DLGAP2: variants seen among roughly 807,000 people sequenced by gnomAD.
DLGAP2 encodes DLG associated protein 2.
A neutral mutation model predicts 100.3 loss-of-function variants in DLGAP2; 26 were observed. The ratio of observed to expected loss-of-function variants is 0.26; its 90% confidence interval spans 0.19 to 0.36. The LOEUF is 0.36. Ranked by LOEUF, DLGAP2 falls within the 10% of genes least tolerant of loss-of-function variation. The pLI, the probability that DLGAP2 is intolerant of heterozygous loss-of-function variation, is 1.00. For synonymous variants in DLGAP2, 886 were observed against 630.1 expected (o/e 1.41, Z -6.08); for missense variants, 1,858 against 1,453.2 (o/e 1.28, Z -4.53).
chr8:1,320,001 A>T (rs959832190), intron 3 of DLGAP2, among the ~76,000 whole-genome samples: 45 of 152,114 alleles, frequency 3.0e-4, no homozygotes, highest in African/African-American at 9.7e-4. Context: ...AGGGCAGGAG[A>T]CAAAGGTAAG....
At chr8:1,004,447 A>C (rs189901454) in intron 2 of DLGAP2, among the ~76,000 whole-genome samples, 30 of 152,334 alleles carry the variant, frequency 2.0e-4, no homozygotes, top group African/African-American at 7.2e-4. Flanking sequence ...TTTCAAATAC[A>C]CGTCCAGATT....
intron 3 of DLGAP2, among the ~76,000 whole-genome samples, chr8:1,288,778 G>C (rs1262088630): frequency 6.6e-6 from 1 of 151,720 alleles, no homozygotes; most frequent in East Asian, 1.9e-4. Context: ...GGTTCAGTGT[G>C]TGTGTGTGTG....
chr8:1,222,639 G>A lies in DLGAP2; in HGVS notation c.74-36212G>A, dbSNP rs75705452. On this transcript the variant is annotated intron_variant, in intron 2 of 14. Coordinates refer to ENST00000637795, the MANE Select transcript of DLGAP2 (RefSeq NM_001346810.2). The stretch of plus-strand genomic sequence containing the variant: ...GGGAAGGCTGCAGGTGGGTGTACAC[G>A]GTGGGGGGAGGCTGCTGGTGGGTGC... Among the ~76,000 whole-genome samples, 688 of 151,990 alleles carry A rather than the reference G, an allele frequency of 4.5e-3. 20 individuals are homozygous for A. The East Asian group carries it at 0.072, about 16-fold the overall frequency.
intron 10 of DLGAP2, 50 bp downstream of exon 10, chr8:1,669,834 C>T (rs375293965): frequency 1.3e-6 from 1 of 780,820 alleles, no homozygotes; most frequent in South Asian, 1.3e-5. Context: ...CTTTCATTTT[C>T]TCTCCCTTTT....
intron 2 of DLGAP2, among the ~76,000 whole-genome samples, chr8:1,099,851 C>T (rs1804517780): frequency 6.6e-6 from 1 of 152,208 alleles, no homozygotes; most frequent in Non-Finnish European, 1.5e-5. Flanking sequence ...TATCCATAGA[C>T]ATGCATTCAA....
chr8:1,442,028 A>G (rs1002259516), intron 3 of DLGAP2, among the ~76,000 whole-genome samples: 1 of 152,114 alleles, frequency 6.6e-6, no homozygotes, highest in Non-Finnish European at 1.5e-5. Flanking sequence ...CCAGTTTCTA[A>G]GGGGAACTGT....
At chr8:1,009,921 C>T (rs1017611569) in intron 2 of DLGAP2, among the ~76,000 whole-genome samples, 1 of 152,152 alleles carries the variant, frequency 6.6e-6, no homozygotes, top group Non-Finnish European at 1.5e-5. Context: ...ATTAACAAGC[C>T]AGTAAGGTCT....
At chr8:989,256 G>A (rs1020397641) in intron 2 of DLGAP2, among the ~76,000 whole-genome samples, 1 of 152,104 alleles carries the variant, frequency 6.6e-6, no homozygotes, top group African/African-American at 2.4e-5. Flanking sequence ...TCCCAGGAAG[G>A]AGCACCCCTC....
chr8:846,799 A>T (rs1314960821), intron 1 of DLGAP2, among the ~76,000 whole-genome samples: 1 of 152,080 alleles, frequency 6.6e-6, no homozygotes, highest in African/African-American at 2.4e-5. Flanking sequence ...TAGCCATTCT[A>T]ATTGGGATGA....
intron 2 of DLGAP2, among the ~76,000 whole-genome samples, chr8:1,050,006 G>A (rs1157857714): frequency 6.6e-6 from 1 of 152,090 alleles, no homozygotes; most frequent in Non-Finnish European, 1.5e-5. Flanking sequence ...GCAGGCACAT[G>A]CATATGTACA....
chr8:846,499 C>G (rs1201829222), intron 1 of DLGAP2, among the ~76,000 whole-genome samples: 1 of 152,180 alleles, frequency 6.6e-6, no homozygotes, highest in African/African-American at 2.4e-5. Flanking sequence ...ATTCCACTGT[C>G]TATAAGTACA....
At chr8:1,497,434 T>C (rs1460806388) in intron 3 of DLGAP2, among the ~76,000 whole-genome samples, 2 of 152,192 alleles carry the variant, frequency 1.3e-5, no homozygotes, top group South Asian at 2.1e-4. Context: ...TGTAGTTGTA[T>C]GACAGCAGCC....
At chr8:1,370,419 A>T (rs1182563594) in intron 3 of DLGAP2, among the ~76,000 whole-genome samples, 1 of 152,106 alleles carries the variant, frequency 6.6e-6, no homozygotes, top group Non-Finnish European at 1.5e-5. Context: ...CTTACCATTC[A>T]TGCTTTCAAA....
At chr8:1,042,513 T>C (rs1386761710) in intron 2 of DLGAP2, among the ~76,000 whole-genome samples, 1 of 151,940 alleles carries the variant, frequency 6.6e-6, no homozygotes, top group Admixed American at 6.5e-5. Context: ...GTGTGGAAAA[T>C]GGTGGTGAGA....
intron 2 of DLGAP2, among the ~76,000 whole-genome samples, chr8:1,237,157 G>A (rs1173643409): frequency 9.4e-5 from 12 of 127,700 alleles, no homozygotes; most frequent in East Asian, 6.7e-4. Flanking sequence ...CTCACATGGC[G>A]CCGTGTCTAG....
chr8:1,431,334 G>A (rs1305137688), intron 3 of DLGAP2, among the ~76,000 whole-genome samples: 1 of 152,194 alleles, frequency 6.6e-6, no homozygotes, highest in African/African-American at 2.4e-5. Flanking sequence ...AATAGAGTAG[G>A]GGCTTTATTC....
intron 1 of DLGAP2, among the ~76,000 whole-genome samples, chr8:849,827 C>T (rs1416660763): frequency 1.3e-5 from 2 of 152,110 alleles, no homozygotes; most frequent in Non-Finnish European, 1.5e-5. Flanking sequence ...CCTGAAATCC[C>T]AGCACTTTGG....
rs1796724529 is a variant in DLGAP2, at chr8:1,604,324, T to C, written c.1443-22416T>C. ...TAGGGTGTTCATTATGATTTGCAAA[T>C]GAAATGGACAAAATTCAGATTCTCT... On this transcript the variant is annotated intron_variant, in intron 6 of 14. Coordinates refer to ENST00000637795, the MANE Select transcript of DLGAP2 (RefSeq NM_001346810.2). 3.3e-5 allele frequency among the ~76,000 whole-genome samples: 5 copies of C among 152,266 alleles called. No individual in the cohort carries two copies. The South Asian group carries it at 1.0e-3, about 32-fold the overall frequency.
intron 8 of DLGAP2, among the ~76,000 whole-genome samples, chr8:1,636,055 A>G (rs1396421884): frequency 6.6e-6 from 1 of 152,220 alleles, no homozygotes; most frequent in East Asian, 1.9e-4. Context: ...AACACTGCAT[A>G]TTGATTAGTG....
Sources: gnomAD v4.1 joint callset for allele counts (sites outside exome capture counted in the v4.1 genomes callset) on GRCh38, gnomAD v4.1.1 for gene constraint, MANE v1.5 for transcripts, NCBI Gene and HGNC (gene_info 2026-07-23, HGNC 2026-07-21) for gene names.